Variants in C6 observed in about 807,000 individuals in gnomAD.
C6 encodes complement component C6.
Under a neutral mutation model 112.9 loss-of-function variants are expected in C6, and 101 were observed. The ratio of observed to expected loss-of-function variants is 0.89; its 90% CI spans 0.76 to 1.06. C6 has a LOEUF of 1.06. Ranked by LOEUF, C6 falls within the 50% of genes least tolerant of loss-of-function variation. C6 has a pLI of 0.00. For synonymous variants in C6, 431 were observed against 384.1 expected (o/e 1.12, Z -1.43); for missense variants, 1,202 against 1,104.6 (o/e 1.09, Z -1.25).
chr5:41,194,790 C>G (rs371773484), intron 5 of C6, among the ~76,000 whole-genome samples: 1 of 152,142 alleles, frequency 6.6e-6, no homozygotes, highest in African/African-American at 2.4e-5. Flanking sequence ...TATTTCCTAA[C>G]ATCATCTAAA....
chr5:41,144,349 C>T (rs1371703629), intron 17 of C6, among the ~76,000 whole-genome samples: 1 of 152,044 alleles, frequency 6.6e-6, no homozygotes, highest in Non-Finnish European at 1.5e-5. Flanking sequence ...CTCACTGCAC[C>T]CTCGAACTCC....
chr5:41,142,992 A>G lies in C6; in HGVS notation c.2638T>C (p.Cys880Arg). The change falls in exon 18 of 18, where the codon TGT becomes CGT. Residue 880 changes from cysteine (C) to arginine (R), a missense_variant. By Grantham distance (180) the Cys-to-Arg change is radical. Transcript: ENST00000337836. Reference protein sequence around the residue: ...WEKCSASTSKCVCLLPPQCFK... With the variant: ...WEKCSASTSKRVCLLPPQCFK... ...CACTGTGGGGGCAATAGGCAGACAC[A>G]TTTGGAAGTGGAGGCTGTAATGAGA... 6.2e-7 allele frequency: 1 copy of G among 1,613,374 alleles called. No homozygotes were observed.
chr5:41,146,099 T>A (rs1447338152), intron 17 of C6, among the ~76,000 whole-genome samples: 1 of 152,148 alleles, frequency 6.6e-6, no homozygotes, highest in Non-Finnish European at 1.5e-5. Flanking sequence ...CTCCAAAAAT[T>A]TGACGGGTAA....
chr5:41,214,889 G>T (rs1323123924), upstream of C6, among the ~76,000 whole-genome samples: 3 of 152,110 alleles, frequency 2.0e-5, no homozygotes, highest in South Asian at 6.2e-4. Context: ...AAGTAAGATT[G>T]TATGCTGTGG....
intron 11 of C6, 67 bp downstream of exon 11, chr5:41,160,075 T>G: frequency 7.6e-7 from 1 of 1,315,054 alleles, no homozygotes. Context: ...TCTTTTTAAT[T>G]GACCAACTTA....
chr5:41,173,860 T>C (rs1238941284), intron 8 of C6, among the ~76,000 whole-genome samples: 1 of 152,146 alleles, frequency 6.6e-6, no homozygotes, highest in Non-Finnish European at 1.5e-5. Context: ...AGTTTGCATA[T>C]TCAACCCTAA....
At chr5:41,197,952 A>T (rs902474355) in intron 4 of C6, among the ~76,000 whole-genome samples, 1 of 152,200 alleles carries the variant, frequency 6.6e-6, no homozygotes, top group Non-Finnish European at 1.5e-5. Flanking sequence ...ACTTGGAACC[A>T]TGCAATCATT....
upstream of C6, among the ~76,000 whole-genome samples, chr5:41,217,568 T>G (rs1233808777): frequency 6.6e-6 from 1 of 152,152 alleles, no homozygotes; most frequent in Admixed American, 6.6e-5. Context: ...AGAATTGCTT[T>G]TATTTATGTG....
chr5:41,172,134 TA>T, intron 9 of C6, 90 bp downstream of exon 9: 2 of 1,343,984 alleles, frequency 1.5e-6, no homozygotes, highest in Non-Finnish European at 2.1e-6. Flanking sequence ...AATGAAAAGC[TA>T]AAAATAGCAC....
chr5:41,153,696 T>C lies in C6; in HGVS notation c.2290+114A>G, dbSNP rs562930613. On this transcript the variant is annotated intron_variant, in intron 15 of 17. Transcript: ENST00000337836. The stretch of plus-strand genomic sequence containing the variant: ...CCGGTTTGACCCACACTGTCTAAAC[T>C]TGCATCTTTTTTAGCCTCTCAGTGC... The C allele has an allele frequency of 7.8e-4, 634 of 808,388 alleles. 3 individuals carry two copies. In the African/African-American group the frequency reaches 0.01, roughly 13 times the overall value. 50.1% of individuals were successfully genotyped at this position (808,388 alleles called of 1,614,324 possible).
At position 41,181,396 on chromosome 5, in the gene C6, G is replaced by A; in HGVS notation, c.890C>T (p.Ser297Phe). The A allele has an allele frequency of 6.2e-7, 1 of 1,613,756 alleles. No individual in the cohort carries two copies. The change falls in exon 7 of 18, where the codon TCT becomes TTT. Residue 297 changes from serine (S) to phenylalanine (F), a missense_variant. Coordinates refer to ENST00000337836, the MANE Select transcript of C6 (RefSeq NM_000065.5). Reference protein sequence around the residue: ...SKRSENINHNSAFKQAIQASH... With the variant: ...SKRSENINHNFAFKQAIQASH... ...GGCTTGAATGGCTTGTTTGAAGGCA[G>A]AATTATGGTTGATATTTTCACTTCT...
chr5:41,177,251 A>G (rs926436156), intron 7 of C6, among the ~76,000 whole-genome samples: 1 of 152,134 alleles, frequency 6.6e-6, no homozygotes, highest in Non-Finnish European at 1.5e-5. Flanking sequence ...TCTCCTTTCA[A>G]CTCCAAAATG....
intron 5 of C6, among the ~76,000 whole-genome samples, chr5:41,187,541 C>T (rs974796899): frequency 1.3e-5 from 2 of 152,044 alleles, no homozygotes; most frequent in Non-Finnish European, 2.9e-5. Flanking sequence ...GCGCTTCTAA[C>T]CAAGGGGCAC....
At position 41,155,005 on chromosome 5, in the gene C6, C is replaced by G. The variant is rs755014115; in HGVS notation, c.2068G>C (p.Gly690Arg). The G allele has an allele frequency of 2.5e-5, 41 of 1,613,642 alleles. No individual in the cohort carries two copies. Among genetic ancestry groups the G allele is most frequent in the Non-Finnish European group, 3.1e-5 (37 of 1,179,760 alleles). ...GYQYFRCLPD[G>R]TWRQGDVECQ... The stretch of plus-strand genomic sequence containing the variant: ...TCCACATCCCCTTGTCTCCAGGTCC[C>G]GTCTGGTAAGCATCTGAAGTACTGG... The change falls in exon 14 of 18, where the codon GGG becomes CGG. Residue 690 changes from glycine to arginine, a missense_variant. Coordinates refer to ENST00000337836, the MANE Select transcript of C6 (RefSeq NM_000065.5).
chr5:41,192,369 G>T (rs1269161177), intron 5 of C6, among the ~76,000 whole-genome samples: 1 of 152,044 alleles, frequency 6.6e-6, no homozygotes, highest in Non-Finnish European at 1.5e-5. Context: ...TCTTTATCTG[G>T]TTTTGGTATC....
At chr5:41,202,704 C>T (rs1031458621) in intron 2 of C6, among the ~76,000 whole-genome samples, 2 of 152,142 alleles carry the variant, frequency 1.3e-5, no homozygotes, top group African/African-American at 4.8e-5. Flanking sequence ...TAATAGCTAG[C>T]AGTTCTGCTC....
In C6 at chr5:41,153,489, C is replaced by T. The variant is rs916964001; in HGVS notation, c.2290+321G>A. On this transcript the variant is annotated intron_variant, in intron 15 of 17. Coordinates refer to ENST00000337836, the MANE Select transcript of C6 (RefSeq NM_000065.5). The stretch of plus-strand genomic sequence containing the variant: ...GATCAGGAGTCTAGTGAAACCAAGA[C>T]ACAATACTTAAACCTGAAGTTCTCA... 3.9e-5 allele frequency among the ~76,000 whole-genome samples: 6 copies of T among 152,292 alleles called. No homozygotes were observed. In the East Asian group the frequency reaches 1.2e-3, roughly 29 times the overall value.
At chr5:41,167,269 A>T (rs1410879962) in intron 9 of C6, among the ~76,000 whole-genome samples, 1 of 152,102 alleles carries the variant, frequency 6.6e-6, no homozygotes, top group Non-Finnish European at 1.5e-5. Context: ...CTTGAGAGAG[A>T]AAAAGAATTC....
chr5:41,167,566 A>G (rs1454761748), intron 9 of C6, among the ~76,000 whole-genome samples: 2 of 152,150 alleles, frequency 1.3e-5, no homozygotes, highest in African/African-American at 2.4e-5. Context: ...ATAGAAGCTC[A>G]TAAGAGGCTC....
Sources: allele counts gnomAD v4.1 joint callset (sites outside exome capture counted in the v4.1 genomes callset), GRCh38; gene constraint gnomAD v4.1.1; transcripts MANE v1.5; gene names NCBI Gene and HGNC (gene_info 2026-07-23, HGNC 2026-07-21).